SLC25A13: variants seen among roughly 807,000 people sequenced by gnomAD.
SLC25A13 encodes the protein solute carrier family 25 member 13.
Under a neutral mutation model 85.5 loss-of-function variants are expected in SLC25A13, and 70 were observed. That is an observed-to-expected ratio of 0.82 (90% CI 0.68 to 1.00). The LOEUF (loss-of-function observed/expected upper bound fraction) is 1.00. Ranked by LOEUF, SLC25A13 falls within the 50% of genes least tolerant of loss-of-function variation. The pLI, the probability that SLC25A13 is intolerant of heterozygous loss-of-function variation, is 0.00. For synonymous variants in SLC25A13, 259 were observed against 288.7 expected, an observed-to-expected ratio of 0.90 and a Z score of 1.04; for missense variants, 765 against 819.8, an observed-to-expected ratio of 0.93 and a Z score of 0.82.
chr7:96,281,474 A>T (rs1798676387), intron 2 of SLC25A13, among the ~76,000 whole-genome samples: 3 of 152,292 alleles, frequency 2.0e-5, no homozygotes, highest in Middle Eastern at 3.4e-3. Context: ...AAAGAAACAT[A>T]AGAAAACCTA....
intron 13 of SLC25A13, among the ~76,000 whole-genome samples, chr7:96,168,129 A>AAAAAAAAAAAAAG (rs1562810139): frequency 1.4e-5 from 2 of 143,570 alleles, no homozygotes; most frequent in Non-Finnish European, 3.0e-5. Context: ...AAAAAAAAAA[A>AAAAAAAAAAAAAG]GCACGTGTGC....
chr7:96,170,097 AT>A lies in SLC25A13; in HGVS notation c.1258del (p.Met420CysfsTer24). 2 of 1,614,240 alleles carry A rather than the reference AT, an allele frequency of 1.2e-6. No homozygotes were observed. Among genetic ancestry groups the A allele is most frequent in the Non-Finnish European group, 1.7e-6 (2 of 1,180,026 alleles). ...AAGTGGGACCGAACCATCTTTGTGC[AT>A]AAATTTATCCCTCACAAAATCGTTC... is the stretch of plus-strand genomic sequence containing the variant. The part of the protein sequence containing the change: ...TVNDFVRDKF[M>X]HKDGSVPLAA... On this transcript the variant is annotated frameshift_variant, in exon 13 of 18. Transcript: ENST00000265631. LOFTEE classifies it high-confidence loss of function.
At chr7:96,126,507 C>G (rs1041499302) in intron 15 of SLC25A13, among the ~76,000 whole-genome samples, 1 of 152,178 alleles carries the variant, frequency 6.6e-6, no homozygotes, top group African/African-American at 2.4e-5. Flanking sequence ...GAGCTCCAAG[C>G]CTGGCAATCC....
intron 13 of SLC25A13, among the ~76,000 whole-genome samples, chr7:96,164,746 A>ACACAC (rs1554344473): frequency 6.6e-6 from 1 of 151,720 alleles, no homozygotes; most frequent in Non-Finnish European, 1.5e-5. Flanking sequence ...ACACACACAC[A>ACACAC]AAAGAAGCAG....
chr7:96,310,135 TTTG>T (rs2117023668), intron 1 of SLC25A13, among the ~76,000 whole-genome samples: 2 of 152,346 alleles, frequency 1.3e-5, no homozygotes, highest in South Asian at 4.1e-4. Context: ...TCTCTAGTAC[TTTG>T]TTATGGCAGC....
intron 3 of SLC25A13, among the ~76,000 whole-genome samples, chr7:96,266,920 A>G (rs1798060420): frequency 6.6e-6 from 1 of 152,198 alleles, no homozygotes; most frequent in African/African-American, 2.4e-5. Context: ...TAAGAAGAAA[A>G]TCTAAGCTTC....
intron 3 of SLC25A13, among the ~76,000 whole-genome samples, chr7:96,240,114 T>C (rs1796912691): frequency 6.6e-6 from 1 of 152,122 alleles, no homozygotes. Flanking sequence ...GGATAGCACT[T>C]AGCCTGGAGA....
chr7:96,289,856 A>C (rs1375521922), intron 2 of SLC25A13, among the ~76,000 whole-genome samples: 1 of 152,232 alleles, frequency 6.6e-6, no homozygotes, highest in Non-Finnish European at 1.5e-5. Context: ...ATCCAGGAGA[A>C]CTTCCCCAAC....
At chr7:96,171,118 C>T (rs539829082) in intron 12 of SLC25A13, among the ~76,000 whole-genome samples, 1 of 152,278 alleles carries the variant, frequency 6.6e-6, no homozygotes, top group East Asian at 1.9e-4. Context: ...CCCGATAGGC[C>T]TCAGTTTCCT....
At chr7:96,288,020 T>G (rs1386148828) in intron 2 of SLC25A13, among the ~76,000 whole-genome samples, 1 of 152,294 alleles carries the variant, frequency 6.6e-6, no homozygotes, top group East Asian at 1.9e-4. Context: ...CAGACCTCAT[T>G]CCAACCATGG....
intron 1 of SLC25A13, among the ~76,000 whole-genome samples, chr7:96,299,753 T>C (rs970910727): frequency 6.6e-6 from 1 of 152,222 alleles, no homozygotes; most frequent in Non-Finnish European, 1.5e-5. Flanking sequence ...GTGAACATCA[T>C]ATAGTGTACT....
intron 3 of SLC25A13, among the ~76,000 whole-genome samples, chr7:96,248,343 G>A (rs1007603007): frequency 6.6e-5 from 10 of 152,122 alleles, no homozygotes; most frequent in Non-Finnish European, 1.5e-4. Flanking sequence ...CTGGCAGCAA[G>A]GGCAGGGGGA....
At chr7:96,270,571 AG>A in intron 3 of SLC25A13, among the ~76,000 whole-genome samples, 1 of 151,618 alleles carries the variant, frequency 6.6e-6, no homozygotes, top group South Asian at 2.1e-4. Context: ...AAAAAAAAAG[AG>A]AAATATAAAT....
At chr7:96,189,494 G>T in intron 8 of SLC25A13, 87 bp downstream of exon 8, 1 of 1,522,238 alleles carries the variant, frequency 6.6e-7, no homozygotes, top group Non-Finnish European at 9.1e-7. Flanking sequence ...CCTTCAGTTT[G>T]GCTTCTTTTT....
intron 2 of SLC25A13, among the ~76,000 whole-genome samples, chr7:96,294,408 A>G (rs541519783): frequency 2.6e-5 from 4 of 152,130 alleles, no homozygotes; most frequent in Non-Finnish European, 5.9e-5. Context: ...GTGCCCATGT[A>G]CCCTAGAACT....
chr7:96,121,225 A>G lies in SLC25A13; in HGVS notation c.1994T>C (p.Val665Ala), dbSNP rs754280216. 3.1e-6 allele frequency: 5 copies of G among 1,614,194 alleles called. No homozygotes were observed. Among genetic ancestry groups the G allele is most frequent in the Non-Finnish European group, 4.2e-6 (5 of 1,180,036 alleles). ...TCCACCAATAGCCTTTGAGGTAGAT[A>G]CTGATGGCTTGAAGAGAGGTAGGTA... is the stretch of plus-strand genomic sequence containing the variant. Reference protein sequence around the residue: ...GLYLPLFKPSVSTSKAIGGGP With the variant: ...GLYLPLFKPSASTSKAIGGGP Residue 665 changes from valine to alanine, a missense_variant, in exon 18 of 18, where the codon GTA becomes GCA. Transcript: ENST00000265631.
intron 1 of SLC25A13, among the ~76,000 whole-genome samples, chr7:96,306,075 G>A (rs1371036131): frequency 2.6e-5 from 4 of 152,166 alleles, no homozygotes; most frequent in African/African-American, 7.2e-5. Flanking sequence ...AGTAGACACC[G>A]TTATGTCCAT....
At chr7:96,222,963 A>G (rs546339396) in intron 4 of SLC25A13, among the ~76,000 whole-genome samples, 21 of 152,336 alleles carry the variant, frequency 1.4e-4, no homozygotes, top group African/African-American at 4.6e-4. Flanking sequence ...CAATGCTGGA[A>G]AAGTGTTAAA....
chr7:96,183,231 T>C (rs1333563901), intron 11 of SLC25A13, among the ~76,000 whole-genome samples: 1 of 152,172 alleles, frequency 6.6e-6, no homozygotes, highest in Admixed American at 6.5e-5. Flanking sequence ...AAAATGGAAC[T>C]TCTCTGGAGT....
Sources: gnomAD v4.1 joint callset for allele counts (sites outside exome capture counted in the v4.1 genomes callset) on GRCh38, gnomAD v4.1.1 for gene constraint, MANE v1.5 for transcripts, NCBI Gene and HGNC (gene_info 2026-07-23, HGNC 2026-07-21) for gene names.